The following AMMECR1 variants were observed in gnomAD, a reference collection of about 807,000 sequenced individuals.
AMMECR1 encodes the protein AMMECR nuclear protein 1.
A neutral mutation model predicts 22.5 loss-of-function variants in AMMECR1; 3 were observed. The ratio of observed to expected loss-of-function variants is 0.13; its 90% CI spans 0.06 to 0.35. The LOEUF (loss-of-function observed/expected upper bound fraction) is 0.35. Ranked by LOEUF, AMMECR1 falls within the 10% of genes least tolerant of loss-of-function variation. AMMECR1 has a pLI of 1.00. For missense variants in AMMECR1, 235 were observed against 278.7 expected (o/e 0.84, Z 1.12); for synonymous variants, 130 against 116.7 (o/e 1.11, Z -0.74).
At chrX:110,316,144 A>G (rs1464167706) in intron 1 of AMMECR1, among the ~76,000 whole-genome samples, 1 of 112,480 alleles carries the variant, frequency 8.9e-6, no homozygotes, top group Non-Finnish European at 1.9e-5. Context: ...ACCACAGAAG[A>G]GTCATACAAA....
chrX:110,404,153 G>A (rs1249906632), intron 2 of AMMECR1, among the ~76,000 whole-genome samples: 1 of 112,450 alleles, frequency 8.9e-6, no homozygotes, highest in Non-Finnish European at 1.9e-5. Flanking sequence ...CATCAATAGC[G>A]AGGAAGAACA....
chrX:110,355,915 A>C (rs1258700213), intron 2 of AMMECR1, among the ~76,000 whole-genome samples: 2 of 111,638 alleles, frequency 1.8e-5, no homozygotes, highest in East Asian at 5.6e-4. Context: ...AAATAAGAAA[A>C]TTCTATCATT....
chrX:110,361,819 C>G (rs966681469), intron 2 of AMMECR1, among the ~76,000 whole-genome samples: 1 of 111,997 alleles, frequency 8.9e-6, no homozygotes, highest in African/African-American at 3.2e-5. Flanking sequence ...TGTAAAGGTC[C>G]AGATAATAAA....
chrX:110,387,072 G>A (rs1044036434), intron 2 of AMMECR1, among the ~76,000 whole-genome samples: 1 of 112,066 alleles, frequency 8.9e-6, no homozygotes, highest in Non-Finnish European at 1.9e-5. Flanking sequence ...TTAAGGAGAA[G>A]GGATCTAAGC....
intron 2 of AMMECR1, among the ~76,000 whole-genome samples, chrX:110,357,698 C>T (rs963455712): frequency 8.9e-6 from 1 of 112,039 alleles, no homozygotes; most frequent in Non-Finnish European, 1.9e-5. Flanking sequence ...AAGGATGATG[C>T]TTGTATAACT....
At chrX:110,383,723 T>C (rs2068435885) in intron 2 of AMMECR1, among the ~76,000 whole-genome samples, 1 of 112,192 alleles carries the variant, frequency 8.9e-6, no homozygotes, top group African/African-American at 3.2e-5. Flanking sequence ...CTATTGCCTC[T>C]TCTGGGAACT....
At chrX:110,288,456 T>C (rs2067891885) in intron 1 of AMMECR1, among the ~76,000 whole-genome samples, 1 of 112,158 alleles carries the variant, frequency 8.9e-6, no homozygotes, top group Admixed American at 9.5e-5. Context: ...TCACAAGCTC[T>C]ACCAGAATTT....
At chrX:110,303,570 G>T (rs1219413169) in intron 1 of AMMECR1, among the ~76,000 whole-genome samples, 1 of 112,042 alleles carries the variant, frequency 8.9e-6, no homozygotes, top group African/African-American at 3.3e-5. Flanking sequence ...ATCCCATTAT[G>T]TGGCAGGAGT....
intron 2 of AMMECR1, among the ~76,000 whole-genome samples, chrX:110,227,856 T>C (rs1479133431): frequency 9.0e-6 from 1 of 111,288 alleles, no homozygotes; most frequent in Non-Finnish European, 1.9e-5. Context: ...TTTCGTGGAG[T>C]GGATGGGTGA....
intron 1 of AMMECR1, among the ~76,000 whole-genome samples, chrX:110,302,037 A>G (rs2067969657): frequency 8.9e-6 from 1 of 111,920 alleles, no homozygotes; most frequent in Non-Finnish European, 1.9e-5. Context: ...TGAAAACCAT[A>G]AGCACATAGT....
chrX:110,381,737 C>G (rs1169443225), intron 2 of AMMECR1, among the ~76,000 whole-genome samples: 1 of 111,147 alleles, frequency 9.0e-6, no homozygotes, highest in Non-Finnish European at 1.9e-5. Context: ...TACTACCCAG[C>G]CATAAAAATG....
intron 2 of AMMECR1, among the ~76,000 whole-genome samples, chrX:110,237,358 G>A: frequency 9.0e-6 from 1 of 110,862 alleles, no homozygotes; most frequent in Admixed American, 9.6e-5. Context: ...TTAGTAAGCA[G>A]TCTAGGGGGA....
At chrX:110,406,979 A>G (rs2068606756) in intron 2 of AMMECR1, among the ~76,000 whole-genome samples, 1 of 111,655 alleles carries the variant, frequency 9.0e-6, no homozygotes, top group African/African-American at 3.3e-5. Flanking sequence ...TCATCTCTGC[A>G]CAGGAGCTGA....
At chrX:110,231,413 C>T (rs187948592) in intron 2 of AMMECR1, among the ~76,000 whole-genome samples, 1 of 112,076 alleles carries the variant, frequency 8.9e-6, no homozygotes, top group Non-Finnish European at 1.9e-5. Flanking sequence ...TCCAGCCAAA[C>T]TAAACTTCAT....
chrX:110,212,002 A>G (rs1160256327), intron 3 of AMMECR1, among the ~76,000 whole-genome samples: 1 of 112,221 alleles, frequency 8.9e-6, no homozygotes, highest in Non-Finnish European at 1.9e-5. Context: ...TGTCAATTCA[A>G]TATTGACTTG....
chrX:110,439,822 C>T (rs2068866777), intron 1 of AMMECR1: 1 of 110,819 alleles, frequency 9.0e-6, no homozygotes, highest in African/African-American at 3.3e-5. Flanking sequence ...AGATGACCTT[C>T]CCTAGGCCCT....
At chrX:110,210,250 C>G (rs2067441049) in intron 3 of AMMECR1, among the ~76,000 whole-genome samples, 1 of 104,193 alleles carries the variant, frequency 9.6e-6, no homozygotes, top group Admixed American at 1.0e-4. Flanking sequence ...CTCCACGGCA[C>G]TTAAAAAAAA....
chrX:110,334,658 T>G (rs1328491978), intron 2 of AMMECR1, among the ~76,000 whole-genome samples: 1 of 112,388 alleles, frequency 8.9e-6, no homozygotes, highest in Non-Finnish European at 1.9e-5. Context: ...AATTTTCTTG[T>G]GTTTAATCGC....
chrX:110,359,532 A>G (rs1169429322), intron 2 of AMMECR1, among the ~76,000 whole-genome samples: 1 of 111,665 alleles, frequency 9.0e-6, no homozygotes, highest in Non-Finnish European at 1.9e-5. Context: ...TCACACAACC[A>G]TCTAGTGGCA....
Sources: gnomAD v4.1 joint callset for allele counts (sites outside exome capture counted in the v4.1 genomes callset) on GRCh38, gnomAD v4.1.1 for gene constraint, MANE v1.5 for transcripts, NCBI Gene and HGNC (gene_info 2026-07-23, HGNC 2026-07-21) for gene names.